The following ARHGEF12 variants were observed in gnomAD, a reference collection of about 807,000 sequenced individuals.
ARHGEF12 encodes the protein KMT2A/ARHGEF12 fusion protein.
A neutral mutation model predicts 211.2 loss-of-function variants in ARHGEF12; 66 were observed. The ratio of observed to expected loss-of-function variants is 0.31; its 90% CI spans 0.26 to 0.38. The LOEUF (loss-of-function observed/expected upper bound fraction) is 0.38. Ranked by LOEUF, ARHGEF12 falls within the 10% of genes least tolerant of loss-of-function variation. The probability of loss-of-function intolerance (pLI) is 1.00; values close to 1 mark genes in which losing one functional copy is unlikely to be tolerated. For synonymous variants in ARHGEF12, 592 were observed against 638.4 expected, an observed-to-expected ratio of 0.93 and a Z score of 1.09; for missense variants, 1,429 against 1,869.5, an observed-to-expected ratio of 0.76 and a Z score of 4.34.
Position 120,477,212 on chromosome 11 carries a change from T to A in ARHGEF12, c.3366-7T>A. 1 of 1,613,630 alleles carries A rather than the reference T, an allele frequency of 6.2e-7. No individual in the cohort carries two copies. Among genetic ancestry groups the A allele is most frequent in the Non-Finnish European group, 8.5e-7 (1 of 1,179,832 alleles). ...TGTATTTTGGATTTCTTTCCAACTT[T>A]CTGAAGCTGGCAGGACCTAATCTGT... On this transcript the variant is annotated splice_polypyrimidine_tract_variant and splice_region_variant and intron_variant, in intron 34 of 40. Transcript: ENST00000397843.
At chr11:120,391,788 T>G (rs1219042927) in intron 1 of ARHGEF12, among the ~76,000 whole-genome samples, 2 of 152,222 alleles carry the variant, frequency 1.3e-5, no homozygotes, top group African/African-American at 4.8e-5. Flanking sequence ...TTTCTTCTTA[T>G]TTTTCTCTTT....
At chr11:120,414,017 A>G (rs777719225) in intron 4 of ARHGEF12, among the ~76,000 whole-genome samples, 19 of 152,186 alleles carry the variant, frequency 1.2e-4, no homozygotes, top group Admixed American at 1.2e-3. Context: ...TTCACTTTCA[A>G]AATATGATCA....
intron 1 of ARHGEF12, among the ~76,000 whole-genome samples, chr11:120,389,357 T>C (rs1362419398): frequency 6.6e-6 from 1 of 152,250 alleles, no homozygotes; most frequent in African/African-American, 2.4e-5. Context: ...GTGCTTTTGC[T>C]ATATCTAAGA....
At chr11:120,469,772 C>T (rs1946813076) in intron 30 of ARHGEF12, among the ~76,000 whole-genome samples, 1 of 152,126 alleles carries the variant, frequency 6.6e-6, no homozygotes, top group Non-Finnish European at 1.5e-5. Flanking sequence ...TATTTTGTAT[C>T]AGTTGTGATA....
At chr11:120,383,195 G>T (rs574013485) in intron 1 of ARHGEF12, among the ~76,000 whole-genome samples, 3 of 152,162 alleles carry the variant, frequency 2.0e-5, no homozygotes, top group Non-Finnish European at 4.4e-5. Context: ...TGAAGGCAGC[G>T]TTTGGAGTGC....
At chr11:120,364,016 G>C (rs1943353867) in intron 1 of ARHGEF12, among the ~76,000 whole-genome samples, 1 of 152,178 alleles carries the variant, frequency 6.6e-6, no homozygotes, top group Non-Finnish European at 1.5e-5. Context: ...CAATCACCAT[G>C]TACTGCAGCC....
intron 1 of ARHGEF12, among the ~76,000 whole-genome samples, chr11:120,376,096 C>A: frequency 6.6e-6 from 1 of 152,084 alleles, no homozygotes; most frequent in East Asian, 1.9e-4. Context: ...TATCAGATTT[C>A]TCCAGTGTAA....
At chr11:120,378,179 G>C (rs1197609397) in intron 1 of ARHGEF12, among the ~76,000 whole-genome samples, 2 of 152,152 alleles carry the variant, frequency 1.3e-5, no homozygotes, top group Admixed American at 6.5e-5. Context: ...ATCAACACTT[G>C]GTAGTATCAG....
At chr11:120,340,654 A>C (rs574126939) in intron 1 of ARHGEF12, among the ~76,000 whole-genome samples, 3 of 152,320 alleles carry the variant, frequency 2.0e-5, no homozygotes, top group South Asian at 4.1e-4. Flanking sequence ...TCAACGTTGC[A>C]TGAGTCATCT....
chr11:120,489,221 A>C lies in ARHGEF12; in HGVS notation c.*4144A>C, dbSNP rs768684227. 3.5e-5 allele frequency: 8 copies of C among 228,580 alleles called. No homozygotes were observed. The highest frequency in any genetic ancestry group is 6.1e-5 in the Non-Finnish European group (7 of 114,962). 14.2% of individuals were successfully genotyped at this position (228,580 alleles called of 1,614,324 possible). ...CAGTGCTGGCAGGTGGGCTTGCCCT[A>C]GCATGTGGGGCAGGTTTGTTGTTTT... is the stretch of plus-strand genomic sequence containing the variant. On this transcript the variant is annotated 3_prime_UTR_variant, in exon 41 of 41. Coordinates refer to ENST00000397843, the MANE Select transcript of ARHGEF12 (RefSeq NM_015313.3).
rs370459728 is a variant in ARHGEF12 at position 120,476,678 on chromosome 11, G to A, written c.3295G>A (p.Val1099Ile). The A allele has an allele frequency of 1.9e-6, 3 of 1,612,126 alleles. No homozygotes were observed. The highest frequency in any genetic ancestry group is 1.7e-6 in the Non-Finnish European group (2 of 1,179,266). The part of the protein sequence containing the change: ...QVATDNKALF[V>I]ISMSDNGAQI... ...TTTTCCAGATAACAAAGCTTTATTC[G>A]TCATTTCCATGTCAGACAATGGCGC... The change falls in exon 34 of 41, where the codon GTC becomes ATC. Residue 1099 changes from valine (V) to isoleucine (I), a missense_variant. Coordinates refer to ENST00000397843, the MANE Select transcript of ARHGEF12 (RefSeq NM_015313.3).
intron 1 of ARHGEF12, among the ~76,000 whole-genome samples, chr11:120,338,899 T>G (rs1942440630): frequency 6.6e-6 from 1 of 152,210 alleles, no homozygotes; most frequent in South Asian, 2.1e-4. Flanking sequence ...TGTCTTCTCG[T>G]TATCTTGGAA....
intron 27 of ARHGEF12, chr11:120,464,990 A>G (rs908562529): frequency 2.3e-6 from 1 of 438,544 alleles, no homozygotes; most frequent in Admixed American, 4.0e-5. Flanking sequence ...TGGGCGACAG[A>G]GCAACACTGT....
At chr11:120,445,485 T>TC (rs1946016205) in intron 16 of ARHGEF12, 21 bp downstream of exon 16, 5 of 1,611,768 alleles carry the variant, frequency 3.1e-6, no homozygotes, top group Non-Finnish European at 4.2e-6. Flanking sequence ...AGCACTAACA[T>TC]CCTGGAGAAT....
At chr11:120,347,594 T>C (rs1052282488) in intron 1 of ARHGEF12, among the ~76,000 whole-genome samples, 3 of 152,180 alleles carry the variant, frequency 2.0e-5, no homozygotes, top group Non-Finnish European at 4.4e-5. Flanking sequence ...AGTAAAGAAA[T>C]TCATCTATCT....
At chr11:120,465,725 C>A (rs986149441) in intron 28 of ARHGEF12, among the ~76,000 whole-genome samples, 1 of 152,186 alleles carries the variant, frequency 6.6e-6, no homozygotes, top group African/African-American at 2.4e-5. Context: ...ACCTCGGCCT[C>A]CCGAAGGGAT....
chr11:120,349,463 GTATT>G lies in ARHGEF12; in HGVS notation c.32+12196_32+12199del, dbSNP rs559617591. ...TATGTGTGTGTGTATGTGTGTGTAT[GTATT>G]TATTTATATATTTTAGCCCTTGTAA... On this transcript the variant is annotated intron_variant, in intron 1 of 40. Transcript: ENST00000397843. Among the ~76,000 whole-genome samples, 715 of 152,156 alleles carry G rather than the reference GTATT, an allele frequency of 4.7e-3. 3 individuals are homozygous for G. The highest frequency in any genetic ancestry group is 0.015 in the African/African-American group (643 of 41,516).
intron 21 of ARHGEF12, chr11:120,449,693 C>G: frequency 6.6e-6 from 1 of 151,318 alleles, no homozygotes; most frequent in Admixed American, 6.6e-5. Flanking sequence ...TGGAGCGAGA[C>G]TCTGCCTCAA....
intron 1 of ARHGEF12, among the ~76,000 whole-genome samples, chr11:120,359,201 G>A (rs1943212474): frequency 6.6e-6 from 1 of 151,964 alleles, no homozygotes; most frequent in Non-Finnish European, 1.5e-5. Flanking sequence ...ACTATACAAG[G>A]GCATGAATAC....
Sources: gnomAD v4.1 joint callset for allele counts (sites outside exome capture counted in the v4.1 genomes callset) on GRCh38, gnomAD v4.1.1 for gene constraint, MANE v1.5 for transcripts, NCBI Gene and HGNC (gene_info 2026-07-23, HGNC 2026-07-21) for gene names.